Variants in PLA2G4A observed in about 807,000 individuals in gnomAD.
PLA2G4A encodes the protein phospholipase A2 group IVA.
PLA2G4A carries 40 observed loss-of-function variants against 81.9 expected under a neutral mutation model. That is an observed-to-expected ratio of 0.49 (90% CI 0.38 to 0.64). The LOEUF (loss-of-function observed/expected upper bound fraction) is 0.64. Among genes scored for constraint, PLA2G4A ranks in the 30% least tolerant of loss-of-function variants. The pLI, the probability that PLA2G4A is intolerant of heterozygous loss-of-function variation, is 0.00. For synonymous variants in PLA2G4A, 302 were observed against 296.9 expected, an observed-to-expected ratio of 1.02 and a Z score of -0.18; for missense variants, 715 against 905.1, an observed-to-expected ratio of 0.79 and a Z score of 2.69.
chr1:186,893,368 T>G (rs550314692), intron 4 of PLA2G4A, among the ~76,000 whole-genome samples: 9 of 152,206 alleles, frequency 5.9e-5, no homozygotes, highest in Non-Finnish European at 1.2e-4. Flanking sequence ...GGAAAACTGC[T>G]GTCCTCCCCA....
intron 13 of PLA2G4A, among the ~76,000 whole-genome samples, chr1:186,955,574 G>A (rs6678891): frequency 0.96 from 145,763 of 152,168 alleles, 69,860 homozygotes; most frequent in East Asian, 1. Flanking sequence ...TGGCACTGTC[G>A]AGAATATACC....
At chr1:186,939,617 C>T (rs896523845) in intron 9 of PLA2G4A, among the ~76,000 whole-genome samples, 2 of 152,090 alleles carry the variant, frequency 1.3e-5, no homozygotes, top group South Asian at 2.1e-4. Flanking sequence ...GGAAGGGGAT[C>T]GCATAGAACA....
At position 186,979,490 on chromosome 1, in the gene PLA2G4A, C is replaced by A. The variant is rs1265931984; in HGVS notation, c.2118+18C>A. 1 of 1,495,338 alleles carries A rather than the reference C, an allele frequency of 6.7e-7. No individual in the cohort carries two copies. Among genetic ancestry groups the A allele is most frequent in the Non-Finnish European group, 9.3e-7 (1 of 1,071,648 alleles). 92.6% of individuals were successfully genotyped at this position (1,495,338 alleles called of 1,614,324 possible). On this transcript the variant is annotated intron_variant, in intron 17 of 17. Transcript: ENST00000367466. Reference sequence around the variant, plus strand: ...ACATTGATGTAAGTATCTCCTATGGCCATTGACTATGTCAAATGACTTCCA... The same window carrying A: ...ACATTGATGTAAGTATCTCCTATGGACATTGACTATGTCAAATGACTTCCA...
chr1:186,833,235 A>T (rs1053050150), intron 1 of PLA2G4A, among the ~76,000 whole-genome samples: 2 of 152,136 alleles, frequency 1.3e-5, no homozygotes, highest in African/African-American at 4.8e-5. Flanking sequence ...CTTATTAAAA[A>T]TTTTGAAAAA....
In PLA2G4A at chr1:186,909,557, G is replaced by A. The variant is rs928732513; in HGVS notation, c.417-1691G>A. 1.2e-4 allele frequency among the ~76,000 whole-genome samples: 18 copies of A among 151,106 alleles called. 1 individual carries two copies. Among genetic ancestry groups the A allele is most frequent in the Non-Finnish European group, 2.2e-4 (15 of 67,836 alleles). ...TGCCTGTAATCCCAGCTACTTGGGA[G>A]GCCGAGGCAGGAGAATCGCTGGAAC... On this transcript the variant is annotated intron_variant, in intron 6 of 17. Coordinates refer to ENST00000367466, the MANE Select transcript of PLA2G4A (RefSeq NM_024420.3).
chr1:186,930,974 C>T (rs1655724467), intron 7 of PLA2G4A, among the ~76,000 whole-genome samples: 1 of 152,070 alleles, frequency 6.6e-6, no homozygotes, highest in Admixed American at 6.6e-5. Flanking sequence ...AAACTCAACC[C>T]CCTTTCAAGA....
intron 5 of PLA2G4A, among the ~76,000 whole-genome samples, chr1:186,902,772 C>T (rs1333282973): frequency 6.6e-6 from 1 of 151,688 alleles, no homozygotes; most frequent in African/African-American, 2.4e-5. Context: ...TACTACCTAC[C>T]CAAATCCTAT....
At chr1:186,915,690 C>A (rs1210890196) in intron 7 of PLA2G4A, among the ~76,000 whole-genome samples, 1 of 152,052 alleles carries the variant, frequency 6.6e-6, no homozygotes, top group Non-Finnish European at 1.5e-5. Flanking sequence ...TGGGGGCTGT[C>A]CAGTCCCAGT....
At chr1:186,850,444 T>A (rs930374736) in intron 1 of PLA2G4A, among the ~76,000 whole-genome samples, 12 of 152,128 alleles carry the variant, frequency 7.9e-5, no homozygotes, top group African/African-American at 2.9e-4. Flanking sequence ...TTTAGCAACA[T>A]GCATGCATGA....
chr1:186,863,029 T>C (rs901681881), intron 2 of PLA2G4A, among the ~76,000 whole-genome samples: 1 of 152,212 alleles, frequency 6.6e-6, no homozygotes, highest in African/African-American at 2.4e-5. Context: ...TTTGGGCAGT[T>C]GTTTCATTTC....
intron 10 of PLA2G4A, 85 bp from the exon 11 acceptor site, chr1:186,946,552 C>A: frequency 2.1e-6 from 2 of 939,180 alleles, no homozygotes; most frequent in Non-Finnish European, 1.8e-6. Context: ...ATAAGCATAA[C>A]ATTATTAAAG....
intron 5 of PLA2G4A, 100 bp downstream of exon 5, chr1:186,894,311 T>C: frequency 4.4e-6 from 3 of 683,548 alleles, no homozygotes; most frequent in Non-Finnish European, 8.0e-6. Context: ...ATTTATTTGT[T>C]CATAGAATGT....
chr1:186,951,653 T>C (rs1557889031), intron 13 of PLA2G4A, among the ~76,000 whole-genome samples: 1 of 152,214 alleles, frequency 6.6e-6, no homozygotes, highest in Non-Finnish European at 1.5e-5. Flanking sequence ...CCTTGCTTAA[T>C]TATTACTAAA....
At chr1:186,859,993 G>A (rs945891041) in intron 2 of PLA2G4A, among the ~76,000 whole-genome samples, 2 of 152,078 alleles carry the variant, frequency 1.3e-5, no homozygotes, top group Non-Finnish European at 2.9e-5. Flanking sequence ...AAATATGAAA[G>A]TGGTAGAACT....
chr1:186,919,945 C>T (rs188899216), intron 7 of PLA2G4A, among the ~76,000 whole-genome samples: 105 of 152,260 alleles, frequency 6.9e-4, no homozygotes, highest in Non-Finnish European at 2.9e-4. Context: ...TTTCAAGCAC[C>T]TGCGATGAAC....
chr1:186,972,316 T>G (rs1159750940), intron 15 of PLA2G4A, among the ~76,000 whole-genome samples: 1 of 152,158 alleles, frequency 6.6e-6, no homozygotes, highest in Non-Finnish European at 1.5e-5. Flanking sequence ...CTTAGATGTA[T>G]AATATGAAAA....
chr1:186,887,937 C>T (rs1418239876), intron 3 of PLA2G4A, among the ~76,000 whole-genome samples: 2 of 152,130 alleles, frequency 1.3e-5, no homozygotes, highest in African/African-American at 2.4e-5. Context: ...ATCCTATCTA[C>T]CACTGTTATA....
intron 14 of PLA2G4A, among the ~76,000 whole-genome samples, chr1:186,961,890 G>A (rs1017348284): frequency 1.3e-5 from 2 of 152,118 alleles, no homozygotes; most frequent in Non-Finnish European, 2.9e-5. Context: ...ACAGTCACCT[G>A]CTGTCAACCA....
At chr1:186,977,195 T>TA (rs1657564136) in intron 15 of PLA2G4A, among the ~76,000 whole-genome samples, 1 of 152,310 alleles carries the variant, frequency 6.6e-6, no homozygotes, top group African/African-American at 2.4e-5. Context: ...ATGATACAGG[T>TA]AAAAATCCAG....
Sources: allele counts gnomAD v4.1 joint callset (sites outside exome capture counted in the v4.1 genomes callset), GRCh38; gene constraint gnomAD v4.1.1; transcripts MANE v1.5; gene names NCBI Gene and HGNC (gene_info 2026-07-23, HGNC 2026-07-21).